DTL: variants seen among roughly 807,000 people sequenced by gnomAD.
DTL encodes denticleless protein homolog.
DTL carries 46 observed loss-of-function variants against 87.0 expected under a neutral mutation model. The ratio of observed to expected loss-of-function variants is 0.53; its 90% CI spans 0.42 to 0.68. The LOEUF (loss-of-function observed/expected upper bound fraction) is 0.68. Ranked by LOEUF, DTL falls within the 30% of genes least tolerant of loss-of-function variation. The pLI, the probability that DTL is intolerant of heterozygous loss-of-function variation, is 0.00. For missense variants in DTL, 737 were observed against 869.4 expected (o/e 0.85, Z 1.91); for synonymous variants, 308 against 311.2 (o/e 0.99, Z 0.11).
In DTL at chr1:212,042,981, A is replaced by T. The variant is rs1414804427; in HGVS notation, c.53-12A>T. On this transcript the variant is annotated splice_polypyrimidine_tract_variant and intron_variant, in intron 1 of 14. Transcript: ENST00000366991. ...CTGTATTGGAATTCTATAAGGAATTATCTTGTTTTAGGATGGTCTTCACAA... is the reference window on the plus strand; with the variant it reads ...CTGTATTGGAATTCTATAAGGAATTTTCTTGTTTTAGGATGGTCTTCACAA... 2 of 1,587,646 alleles carry T rather than the reference A, an allele frequency of 1.3e-6. No homozygotes were observed. The highest frequency in any genetic ancestry group is 1.7e-6 in the Non-Finnish European group (2 of 1,169,200).
intron 13 of DTL, among the ~76,000 whole-genome samples, chr1:212,089,384 G>T (rs968948825): frequency 6.6e-6 from 1 of 152,072 alleles, no homozygotes. Flanking sequence ...AGAGCAAATG[G>T]CAGAACATGT....
At chr1:212,093,190 G>A (rs1655337777) in intron 13 of DTL, among the ~76,000 whole-genome samples, 1 of 152,098 alleles carries the variant, frequency 6.6e-6, no homozygotes, top group South Asian at 2.1e-4. Context: ...TCAATGCCCC[G>A]GTGCTCAGAC....
chr1:212,097,317 G>A (rs1359229734), intron 13 of DTL, among the ~76,000 whole-genome samples: 1 of 152,112 alleles, frequency 6.6e-6, no homozygotes, highest in African/African-American at 2.4e-5. Context: ...CCTGATGACT[G>A]TGTGTCTAGG....
chr1:212,072,051 A>G lies in DTL; in HGVS notation c.923-50A>G, dbSNP rs546990270. 3 of 1,299,410 alleles carry G rather than the reference A, an allele frequency of 2.3e-6. No individual in the cohort carries two copies. In the African/African-American group the frequency reaches 4.4e-5, roughly 19 times the overall value. 80.5% of individuals were successfully genotyped at this position (1,299,410 alleles called of 1,614,324 possible). ...TATATATGCTGTCTATATCCATTTGACCACTAGAAATAACAAGAGCCAAGT... is the reference window on the plus strand; with the variant it reads ...TATATATGCTGTCTATATCCATTTGGCCACTAGAAATAACAAGAGCCAAGT... On this transcript the variant is annotated intron_variant, in intron 10 of 14. Coordinates refer to ENST00000366991, the MANE Select transcript of DTL (RefSeq NM_016448.4).
chr1:212,080,678 A>G lies in DTL; in HGVS notation c.1189A>G (p.Lys397Glu). Residue 397 changes from lysine (K) to glutamate (E), a missense_variant, in exon 13 of 15, where the codon AAA (lysine) becomes GAA (glutamate). Physicochemically the swap from Lys to Glu is moderately conservative, Grantham distance 56. Transcript: ENST00000366991. ...IWRLNRGLEE[K>E]PGGDKLSTVG... Reference sequence around the variant, plus strand: ...GCGCTTGAATAGAGGCTTAGAGGAGAAACCAGGAGGTGATAAACTTTCCAC... The same window carrying G: ...GCGCTTGAATAGAGGCTTAGAGGAGGAACCAGGAGGTGATAAACTTTCCAC... 1 of 1,613,710 alleles carries G rather than the reference A, an allele frequency of 6.2e-7. No individual in the cohort carries two copies.
chr1:212,070,557 G>A (rs759721162), intron 10 of DTL, among the ~76,000 whole-genome samples: 10 of 151,734 alleles, frequency 6.6e-5, no homozygotes, highest in South Asian at 2.1e-4. Context: ...TCTTCAGTGA[G>A]CCATGATCTT....
chr1:212,072,078 A>G, intron 10 of DTL, 23 bp from the exon 11 acceptor site: 1 of 1,552,600 alleles, frequency 6.4e-7, no homozygotes, highest in African/African-American at 1.4e-5. Flanking sequence ...GAGCCAAGTA[A>G]TTTGGTTTTT....
intron 13 of DTL, among the ~76,000 whole-genome samples, chr1:212,089,854 A>G (rs1197460621): frequency 6.6e-6 from 1 of 152,146 alleles, no homozygotes; most frequent in Admixed American, 6.5e-5. Flanking sequence ...TCCCTGTCCC[A>G]GCTCTTCCTT....
In DTL at chr1:212,104,182, T is replaced by C. The variant is rs901662607; in HGVS notation, c.*1242T>C. 2 of 152,222 alleles carry C rather than the reference T, an allele frequency of 1.3e-5. No individual in the cohort carries two copies. Among genetic ancestry groups the C allele is most frequent in the African/African-American group, 4.8e-5 (2 of 41,464 alleles). 9.4% of individuals were successfully genotyped at this position (152,222 alleles called of 1,614,324 possible). On this transcript the variant is annotated 3_prime_UTR_variant, in exon 15 of 15. Coordinates refer to ENST00000366991, the MANE Select transcript of DTL (RefSeq NM_016448.4). ...GGCTTTACATACTTTCTATGTACTA[T>C]TTACTTAGAAGGGAGCCCCCTTCCA... is the stretch of plus-strand genomic sequence containing the variant.
intron 5 of DTL, among the ~76,000 whole-genome samples, chr1:212,055,574 C>G (rs1271417884): frequency 1.3e-5 from 2 of 152,200 alleles, no homozygotes; most frequent in Non-Finnish European, 2.9e-5. Flanking sequence ...AATTCCACTT[C>G]CTGCAACCAC....
At chr1:212,068,463 T>A in intron 9 of DTL, 136 bp downstream of exon 9, 1 of 842,716 alleles carries the variant, frequency 1.2e-6, no homozygotes. Flanking sequence ...GAAGAATGTT[T>A]TTGGTTTGTG....
intron 13 of DTL, among the ~76,000 whole-genome samples, chr1:212,096,166 A>T (rs1655439249): frequency 6.6e-6 from 1 of 152,188 alleles, no homozygotes; most frequent in South Asian, 2.1e-4. Context: ...AAATGTGTTC[A>T]TAGTAGCCTT....
At chr1:212,075,018 G>A (rs1189672529) in intron 11 of DTL, among the ~76,000 whole-genome samples, 1 of 152,052 alleles carries the variant, frequency 6.6e-6, no homozygotes, top group Non-Finnish European at 1.5e-5. Flanking sequence ...TTCTGATATA[G>A]CCACTGAATA....
rs779533117 is a variant in DTL at position 212,100,752 on chromosome 1, C to T, written c.1762C>T (p.Leu588=). 9 of 1,613,982 alleles carry T rather than the reference C, an allele frequency of 5.6e-6. No individual in the cohort carries two copies. The highest frequency in any genetic ancestry group is 1.7e-5 in the Admixed American group (1 of 60,006). The change falls in exon 14 of 15, where the codon CTG becomes TTG. Residue 588 remains leucine, a synonymous_variant. Transcript: ENST00000366991. ...DGQVENLHLD[L]CCLAGNQEDL... is the part of the protein sequence containing the mutation. ...CCAAGTTGAAAATCTTCATTTGGAT[C>T]TGTGCTGCCTTGCTGGTAACCAGGA...
chr1:212,068,404 C>T, intron 9 of DTL, 77 bp downstream of exon 9: 1 of 975,836 alleles, frequency 1.0e-6, no homozygotes, highest in Non-Finnish European at 1.5e-6. Flanking sequence ...TTTCCAGTAA[C>T]ATTGATATGA....
intron 5 of DTL, among the ~76,000 whole-genome samples, chr1:212,058,019 GATATATCAATTGTAAACATGTAT>G (rs1571952214): frequency 6.6e-6 from 1 of 152,042 alleles, no homozygotes; most frequent in East Asian, 1.9e-4. Context: ...TCAGCCAAAG[GATATATCAATTGTAAACATGTAT>G]ATACCTAACA....
chr1:212,084,189 ATTTC>A (rs1286975842), intron 13 of DTL, among the ~76,000 whole-genome samples: 3 of 120,076 alleles, frequency 2.5e-5, no homozygotes, highest in Non-Finnish European at 3.4e-5. Context: ...GCTTTTTTTA[ATTTC>A]TTTTTTTCTT....
rs1269052876 is a variant in DTL at position 212,080,831 on chromosome 1, A to G, written c.1261+81A>G. ...AGTACAGAGTAATAAGCTAGATTTG[A>G]TCTTGCTTTGGTATGTTTTTAAAGA... On this transcript the variant is annotated intron_variant, in intron 13 of 14. Transcript: ENST00000366991. The G allele has an allele frequency of 5.5e-6, 8 of 1,449,954 alleles. No homozygotes were observed. In the African/African-American group the frequency reaches 1.0e-4, roughly 18 times the overall value. 89.8% of individuals were successfully genotyped at this position (1,449,954 alleles called of 1,614,324 possible).
At chr1:212,044,532 A>G in intron 2 of DTL, 128 bp from the exon 3 acceptor site, 1 of 553,784 alleles carries the variant, frequency 1.8e-6, no homozygotes, top group African/African-American at 1.9e-5. Context: ...TGAACCCAGG[A>G]GGTGGAGGTT....
Sources: gnomAD v4.1 joint callset for allele counts (sites outside exome capture counted in the v4.1 genomes callset) on GRCh38, gnomAD v4.1.1 for gene constraint, MANE v1.5 for transcripts, NCBI Gene and HGNC (gene_info 2026-07-23, HGNC 2026-07-21) for gene names.